The following ZDHHC1 variants were observed in gnomAD, a reference collection of about 807,000 sequenced individuals.
The protein encoded by ZDHHC1 is zDHHC palmitoyltransferase 1.
Under a neutral mutation model 46.9 loss-of-function variants are expected in ZDHHC1, and 45 were observed. The ratio of observed to expected loss-of-function variants is 0.96; its 90% CI spans 0.76 to 1.23. ZDHHC1 has a LOEUF of 1.23. Among genes scored for constraint, ZDHHC1 ranks in the 50% most tolerant of loss-of-function variants. ZDHHC1 has a pLI of 0.00. For synonymous variants in ZDHHC1, 291 were observed against 286.0 expected (o/e 1.02, Z -0.18); for missense variants, 649 against 670.8 (o/e 0.97, Z 0.36).
Position 67,406,294 on chromosome 16 carries a change from A to T in ZDHHC1, c.158T>A (p.Ile53Asn). The T allele has an allele frequency of 6.2e-7, 1 of 1,609,248 alleles. No individual in the cohort carries two copies. Among genetic ancestry groups the T allele is most frequent in the Non-Finnish European group, 8.5e-7 (1 of 1,178,078 alleles). Residue 53 changes from isoleucine to asparagine, a missense_variant, in exon 3 of 12, where the codon ATT (isoleucine) becomes AAT (asparagine). Physicochemically the swap from Ile to Asn is moderately radical, Grantham distance 149. Transcript: ENST00000565726. The surrounding 1 kb of genome is among the most constrained non-coding windows in gnomAD (Gnocchi z 4.1). The part of the protein sequence containing the change: ...GWSWPPHPLQ[I>N]VAWLLYLFFA... ...GAAGAGGTACAGCAGCCAGGCCACAATCTGGAGCGGGTGAGGGGGCCAGCT... is the reference window on the plus strand; with the variant it reads ...GAAGAGGTACAGCAGCCAGGCCACATTCTGGAGCGGGTGAGGGGGCCAGCT...
intron 1 of ZDHHC1, among the ~76,000 whole-genome samples, chr16:67,414,024 A>T (rs2142267276): frequency 6.6e-6 from 1 of 152,320 alleles, no homozygotes; most frequent in East Asian, 1.9e-4. Flanking sequence ...ATGGTTTGCA[A>T]ACATTTTCTG....
intron 3 of ZDHHC1, chr16:67,404,585 ACCCTGAATGCGGAGACAAAG>A (rs1351186021): frequency 1.4e-5 from 6 of 432,192 alleles, no homozygotes; most frequent in African/African-American, 1.2e-4. Flanking sequence ...AAGCAGACGA[ACCCTGAATGCGGAGACAAAG>A]CCCTCAACCC....
At chr16:67,414,298 TA>T (rs2040798534) in intron 1 of ZDHHC1, among the ~76,000 whole-genome samples, 1 of 152,188 alleles carries the variant, frequency 6.6e-6, no homozygotes, top group South Asian at 2.1e-4. Context: ...TCTGGCTAAT[TA>T]AGCACCACTG....
At chr16:67,400,833 G>A in intron 4 of ZDHHC1, 124 bp downstream of exon 4, 1 of 1,154,432 alleles carries the variant, frequency 8.7e-7, no homozygotes, top group South Asian at 1.5e-5. Flanking sequence ...CGCCATCAAG[G>A]TTCTTGACTG....
intron 3 of ZDHHC1, chr16:67,404,244 C>G (rs926278249): frequency 6.5e-6 from 1 of 154,946 alleles, no homozygotes; most frequent in Non-Finnish European, 1.4e-5. Context: ...CCACAGGCCA[C>G]GAGTGTGCCT....
Position 67,398,267 on chromosome 16 carries a change from GCCT to G in ZDHHC1, c.869_871del (p.Glu290del). The G allele has an allele frequency of 6.2e-7, 1 of 1,614,146 alleles. No individual in the cohort carries two copies. Among genetic ancestry groups the G allele is most frequent in the Non-Finnish European group, 8.5e-7 (1 of 1,180,020 alleles). ...CTCGAGCTCCCTGTGAACCCCCTTG[GCCT>G]CCTGTGGTGGGCGGTGCTGCACGAT... On this transcript the variant is annotated inframe_deletion, in exon 8 of 12. Transcript: ENST00000565726.
At chr16:67,395,627 C>A in intron 8 of ZDHHC1, 61 bp from the exon 9 acceptor site, 1 of 1,502,582 alleles carries the variant, frequency 6.7e-7, no homozygotes, top group Non-Finnish European at 9.1e-7. Context: ...GCCTGCTGAG[C>A]CCTAAGCCCA....
chr16:67,401,089 G>A lies in ZDHHC1; in HGVS notation c.296C>T (p.Thr99Ile), dbSNP rs1176282294. The A allele has an allele frequency of 6.2e-7, 1 of 1,614,096 alleles. No individual in the cohort carries two copies. The highest frequency in any genetic ancestry group is 1.7e-5 in the Admixed American group (1 of 60,022). Residue 99 changes from threonine to isoleucine, a missense_variant, in exon 4 of 12, where the codon ACC becomes ATC. Thr to Ile is a moderately conservative substitution (Grantham distance 89). Transcript: ENST00000565726. This position sits in a 1 kb window ranked among gnomAD's most constrained non-coding sequence, Gnocchi z 4.6. ...IFAGHLVVHL[T>I]AVSIDPADAN... is the part of the protein sequence containing the mutation. Reference sequence around the variant, plus strand: ...ATCTGCTGGATCGATGGAGACGGCGGTCAGGTGCACCACAAGGTGGCCAGC... The same window carrying A: ...ATCTGCTGGATCGATGGAGACGGCGATCAGGTGCACCACAAGGTGGCCAGC...
rs762756576 is a variant in ZDHHC1, at chr16:67,398,335, G to A, written c.815-11C>T. ...TGAGCTTGTGCCACACTGGTGGGGG[G>A]AGGAGAGGGCTCAGTGCGGTGGAAG... On this transcript the variant is annotated splice_polypyrimidine_tract_variant and intron_variant, in intron 7 of 11. Coordinates refer to ENST00000565726, the MANE Select transcript of ZDHHC1 (RefSeq NM_001323627.2). 7 of 1,611,148 alleles carry A rather than the reference G, an allele frequency of 4.3e-6. No individual in the cohort carries two copies. The highest frequency in any genetic ancestry group is 1.6e-4 in the Middle Eastern group (1 of 6,066).
At chr16:67,400,928 G>T in intron 4 of ZDHHC1, 29 bp downstream of exon 4, 1 of 1,607,270 alleles carries the variant, frequency 6.2e-7, no homozygotes, top group Non-Finnish European at 8.5e-7. Context: ...CAGCACACTC[G>T]GCAGCCACAA....
chr16:67,404,647 A>C (rs1042343242), intron 3 of ZDHHC1: 1 of 454,206 alleles, frequency 2.2e-6, no homozygotes, highest in African/African-American at 2.0e-5. Flanking sequence ...CTTCCTGGGC[A>C]GCCCATCTGG....
chr16:67,404,610 C>T (rs2040618759), intron 3 of ZDHHC1: 1 of 447,266 alleles, frequency 2.2e-6, no homozygotes, highest in Admixed American at 2.4e-5. Flanking sequence ...ACAAAGCCCT[C>T]AACCCGCCCC....
At position 67,398,627 on chromosome 16, in the gene ZDHHC1, C is replaced by A; in HGVS notation, c.760G>T (p.Gly254Cys). 6.2e-7 allele frequency: 1 copy of A among 1,606,882 alleles called. No individual in the cohort carries two copies. The highest frequency in any genetic ancestry group is 1.1e-5 in the South Asian group (1 of 89,560). Reference sequence around the variant, plus strand: ...CCCAGGAGGGCTGTGGACAGGAGGCCCAGAAGGATGAGCAGGGCGGCCAGG... The same window carrying A: ...CCCAGGAGGGCTGTGGACAGGAGGCACAGAAGGATGAGCAGGGCGGCCAGG... The part of the protein sequence containing the change: ...LALAALLILL[G>C]LLSTALLGHL... The change falls in exon 7 of 12, where the codon GGC (glycine) becomes TGC (cysteine). Residue 254 changes from glycine (G) to cysteine (C), a missense_variant. Gly to Cys is a radical substitution (Grantham distance 159, BLOSUM62 -3). Transcript: ENST00000565726.
chr16:67,400,929 G>T (rs1183582404), intron 4 of ZDHHC1, 28 bp downstream of exon 4: 4 of 1,607,582 alleles, frequency 2.5e-6, no homozygotes, highest in Non-Finnish European at 3.4e-6. Flanking sequence ...AGCACACTCG[G>T]CAGCCACAAG....
intron 2 of ZDHHC1, 23 bp downstream of exon 2, chr16:67,407,744 C>A: frequency 1.3e-6 from 1 of 780,986 alleles, no homozygotes; most frequent in Non-Finnish European, 2.4e-6. Flanking sequence ...TATGTCCCTT[C>A]CCCCAGGCAC....
Position 67,395,078 on chromosome 16 carries a change from G to A in ZDHHC1, c.1105-16C>T. 6.2e-7 allele frequency: 1 copy of A among 1,613,308 alleles called. No homozygotes were observed. Among genetic ancestry groups the A allele is most frequent in the Non-Finnish European group, 8.5e-7 (1 of 1,179,938 alleles). ...TCCTCTTTTTCTGCAGAGACACGGG[G>A]GAGCCTGAGGGCCCCACATCGCCAA... On this transcript the variant is annotated splice_polypyrimidine_tract_variant and intron_variant, in intron 10 of 11. Transcript: ENST00000565726.
chr16:67,413,439 G>A (rs186714137), intron 1 of ZDHHC1, among the ~76,000 whole-genome samples: 26 of 152,300 alleles, frequency 1.7e-4, no homozygotes, highest in African/African-American at 6.3e-4. Context: ...TTAGGGACAA[G>A]TACTTTGTTT....
At chr16:67,415,061 G>C (rs1425732035) in intron 1 of ZDHHC1, among the ~76,000 whole-genome samples, 2 of 152,236 alleles carry the variant, frequency 1.3e-5, no homozygotes, top group Non-Finnish European at 2.9e-5. Flanking sequence ...CTTGAACCCG[G>C]GAGGTGGAGG....
At chr16:67,408,839 G>A (rs532566643) in intron 1 of ZDHHC1, among the ~76,000 whole-genome samples, 1 of 152,280 alleles carries the variant, frequency 6.6e-6, no homozygotes, top group East Asian at 1.9e-4. Flanking sequence ...TTGTATTGTG[G>A]AATTGTCAAA....
Sources: allele counts gnomAD v4.1 joint callset (sites outside exome capture counted in the v4.1 genomes callset), GRCh38; gene constraint gnomAD v4.1.1; non-coding constraint Gnocchi (gnomAD v3.1); transcripts MANE v1.5; gene names NCBI Gene and HGNC (gene_info 2026-07-23, HGNC 2026-07-21).